RUFY3: variants seen among roughly 807,000 people sequenced by gnomAD.
The protein encoded by RUFY3 is RUN and FYVE domain containing 3.
Under a neutral mutation model 84.0 loss-of-function variants are expected in RUFY3, and 34 were observed. The observed-to-expected ratio is 0.40, with a 90% CI of 0.31 to 0.54. The LOEUF is 0.54. RUFY3 is among the 20% of genes least tolerant of loss of function. RUFY3 has a pLI of 0.39. For synonymous variants in RUFY3, 242 were observed against 252.9 expected (o/e 0.96, Z 0.41); for missense variants, 507 against 736.8 (o/e 0.69, Z 3.61).
exon 1 of RUFY3, chr4:70,704,898 G>A (rs957972764): frequency 2.5e-6 from 3 of 1,189,624 alleles, no homozygotes; most frequent in South Asian, 4.1e-5. Flanking sequence ...GCCCAGGCCC[G>A]GGCGCGAATC....
At chr4:70,729,240 G>A (rs1247613157) in intron 1 of RUFY3, among the ~76,000 whole-genome samples, 2 of 152,058 alleles carry the variant, frequency 1.3e-5, no homozygotes, top group Non-Finnish European at 2.9e-5. Flanking sequence ...TTGCACAAGT[G>A]ATCACTTCAT....
chr4:70,780,733 G>A (rs1036956028), intron 8 of RUFY3, among the ~76,000 whole-genome samples: 7 of 152,188 alleles, frequency 4.6e-5, no homozygotes, highest in African/African-American at 1.7e-4. Flanking sequence ...TTAGGGCTTA[G>A]AACAGTACCT....
Position 70,796,113 on chromosome 4 carries a change from C to A in RUFY3, c.1557+1219C>A, listed in dbSNP as rs560422070. Among the ~76,000 whole-genome samples, 16 of 152,260 alleles carry A rather than the reference C, an allele frequency of 1.1e-4. No homozygotes were observed. In the South Asian group the frequency reaches 3.1e-3, roughly 30 times the overall value. ...ACTTGGGAGGCTGAGGCATGAGAAT[C>A]ACTTGAACCTGGGAGGTAGAGGTTG... is the stretch of plus-strand genomic sequence containing the variant. On this transcript the variant is annotated intron_variant, in intron 14 of 17. Coordinates refer to ENST00000381006, the MANE Select transcript of RUFY3 (RefSeq NM_001037442.4).
rs1742418314 is a variant in RUFY3 at position 70,722,414 on chromosome 4, C to CA, written c.-160_-159insA. ...GTTCTTAACCTATAAGGTATTTTTC[C>CA]TTTTTTTTTTTTTTAAACCTCCCCC... On this transcript the variant is annotated 5_prime_UTR_variant, in exon 1 of 18. Transcript: ENST00000381006. The CA allele has an allele frequency of 1.3e-6, 1 of 783,038 alleles. No individual in the cohort carries two copies. Among genetic ancestry groups the CA allele is most frequent in the Admixed American group, 3.7e-5 (1 of 27,150 alleles). The allele number at this position is 783,038 out of a possible 1,614,324, so 48.5% of individuals were successfully genotyped here.
chr4:70,791,036 C>T (rs1730726130), intron 12 of RUFY3, among the ~76,000 whole-genome samples: 1 of 152,044 alleles, frequency 6.6e-6, no homozygotes, highest in Non-Finnish European at 1.5e-5. Context: ...ATAAATTGTG[C>T]TTTTGAAATG....
chr4:70,722,506 A>T lies in RUFY3; in HGVS notation c.-68A>T. The T allele has an allele frequency of 1.1e-5, 15 of 1,408,742 alleles. No homozygotes were observed. Among genetic ancestry groups the T allele is most frequent in the South Asian group, 7.1e-5 (4 of 55,984 alleles). The allele number at this position is 1,408,742 out of a possible 1,614,324, so 87.3% of individuals were successfully genotyped here. A position where few individuals can be genotyped will look rare whatever the true frequency, so the allele number is the denominator to read the frequency against. ...TTTTTTTGGTGAGGAGGTTGTATTT[A>T]TTTTTTTGGTGTGTGTGTGTGAGTG... On this transcript the variant is annotated 5_prime_UTR_variant, in exon 1 of 18. Transcript: ENST00000381006.
At chr4:70,788,771 C>T in intron 10 of RUFY3, 35 bp from the exon 11 acceptor site, 1 of 1,607,310 alleles carries the variant, frequency 6.2e-7, no homozygotes, top group Non-Finnish European at 8.5e-7. Context: ...GTTGAAGGAA[C>T]AGAGTGTAAG....
chr4:70,705,137 G>A (rs769802384), exon 1 of RUFY3: 4 of 1,453,326 alleles, frequency 2.8e-6, no homozygotes, highest in African/African-American at 2.9e-5. Flanking sequence ...CCTTCTTCCT[G>A]CTGTACCCCG....
chr4:70,765,760 T>G, intron 4 of RUFY3, among the ~76,000 whole-genome samples: 1 of 146,822 alleles, frequency 6.8e-6, no homozygotes, highest in South Asian at 2.1e-4. Flanking sequence ...GTTAATATCT[T>G]TTTTTTTTTT....
At chr4:70,743,487 CT>C (rs1721655065) in intron 1 of RUFY3, among the ~76,000 whole-genome samples, 1 of 152,084 alleles carries the variant, frequency 6.6e-6, no homozygotes, top group South Asian at 2.1e-4. Flanking sequence ...TTCTTGAGAA[CT>C]TTACCATGAC....
At chr4:70,797,767 C>T (rs1465326401) in intron 14 of RUFY3, among the ~76,000 whole-genome samples, 8 of 151,804 alleles carry the variant, frequency 5.3e-5, no homozygotes, top group South Asian at 4.2e-4. Context: ...TGGTTGAACC[C>T]GGGAGGCGGA....
intron 7 of RUFY3, among the ~76,000 whole-genome samples, chr4:70,778,145 A>T (rs532718267): frequency 2.6e-4 from 40 of 152,308 alleles, no homozygotes; most frequent in African/African-American, 9.6e-4. Flanking sequence ...GAGGCAAGAG[A>T]ATCACTTGAA....
chr4:70,737,783 C>T (rs769415566), intron 1 of RUFY3, among the ~76,000 whole-genome samples: 1 of 150,000 alleles, frequency 6.7e-6, no homozygotes, highest in Non-Finnish European at 1.5e-5. Flanking sequence ...AAGCAATTCT[C>T]CTGCCTCAGC....
chr4:70,762,045 G>A (rs1725120128), intron 1 of RUFY3, among the ~76,000 whole-genome samples: 1 of 152,184 alleles, frequency 6.6e-6, no homozygotes, highest in African/African-American at 2.4e-5. Context: ...GCCAGGCATG[G>A]TGGCTCACGC....
At chr4:70,757,362 T>C (rs1724204677) in intron 1 of RUFY3, among the ~76,000 whole-genome samples, 1 of 152,114 alleles carries the variant, frequency 6.6e-6, no homozygotes, top group African/African-American at 2.4e-5. Flanking sequence ...CCCAGCACTT[T>C]GGGAGGCCGA....
intron 8 of RUFY3, among the ~76,000 whole-genome samples, chr4:70,778,777 T>G (rs1242068768): frequency 6.6e-6 from 1 of 151,770 alleles, no homozygotes; most frequent in African/African-American, 2.4e-5. Context: ...ACGGGGTTTC[T>G]CCATGTTAGT....
intron 7 of RUFY3, 24 bp from the exon 8 acceptor site, chr4:70,778,345 T>C: frequency 7.1e-7 from 1 of 1,405,394 alleles, no homozygotes; most frequent in Non-Finnish European, 1.0e-6. Flanking sequence ...CAAAAGTGAC[T>C]TTTTTTTCTT....
chr4:70,746,340 TAA>T (rs570194881), intron 1 of RUFY3, among the ~76,000 whole-genome samples: 6 of 135,662 alleles, frequency 4.4e-5, no homozygotes, highest in Non-Finnish European at 3.2e-5. Context: ...CAAGACTCCT[TAA>T]AAAAAAAAAA....
At chr4:70,786,802 G>C (rs1424206359) in intron 10 of RUFY3, among the ~76,000 whole-genome samples, 1 of 151,948 alleles carries the variant, frequency 6.6e-6, no homozygotes, top group Non-Finnish European at 1.5e-5. Context: ...CTGGAGTTTA[G>C]ATAGTATAAC....
Sources: gnomAD v4.1 joint callset for allele counts (sites outside exome capture counted in the v4.1 genomes callset) on GRCh38, gnomAD v4.1.1 for gene constraint, MANE v1.5 for transcripts, NCBI Gene and HGNC (gene_info 2026-07-23, HGNC 2026-07-21) for gene names.